Variants in SRGAP1 observed in about 807,000 individuals in gnomAD.
The protein encoded by SRGAP1 is SLIT-ROBO Rho GTPase-activating protein 1.
A neutral mutation model predicts 121.9 loss-of-function variants in SRGAP1; 43 were observed. That is an observed-to-expected ratio of 0.35 (90% CI 0.28 to 0.46). The LOEUF is 0.46. Ranked by LOEUF, SRGAP1 falls within the 20% of genes least tolerant of loss-of-function variation. SRGAP1 has a pLI of 1.00. For synonymous variants in SRGAP1, 447 were observed against 485.4 expected (o/e 0.92, Z 1.04); for missense variants, 1,102 against 1,350.9 (o/e 0.82, Z 2.89).
At chr12:63,969,369 T>G (rs183726519) in intron 1 of SRGAP1, among the ~76,000 whole-genome samples, 1 of 152,340 alleles carries the variant, frequency 6.6e-6, no homozygotes, top group East Asian at 1.9e-4. Flanking sequence ...TATAACCGAA[T>G]AACCTACTCT....
intron 1 of SRGAP1, among the ~76,000 whole-genome samples, chr12:63,895,084 A>C (rs1900712139): frequency 6.6e-6 from 1 of 152,244 alleles, no homozygotes; most frequent in South Asian, 2.1e-4. Flanking sequence ...ACTAGTTTAC[A>C]GTCCCATCAA....
intron 1 of SRGAP1, among the ~76,000 whole-genome samples, chr12:63,892,663 A>G (rs1434330378): frequency 6.6e-6 from 1 of 152,176 alleles, no homozygotes; most frequent in African/African-American, 2.4e-5. Context: ...CTTTAAAGCT[A>G]TAGCTTACTC....
intron 1 of SRGAP1, among the ~76,000 whole-genome samples, chr12:63,942,501 G>T (rs1288957812): frequency 6.6e-6 from 1 of 152,156 alleles, no homozygotes; most frequent in East Asian, 1.9e-4. Context: ...TCAGATTTCT[G>T]CTGATATGCT....
chr12:64,130,341 C>G lies in SRGAP1; in HGVS notation c.2880+2141C>G, dbSNP rs148497246. On this transcript the variant is annotated intron_variant, in intron 21 of 21. Coordinates refer to ENST00000355086, the MANE Select transcript of SRGAP1 (RefSeq NM_020762.4). ...ATTGTTGCTGTGTCTCCTGGTGGCACATTCCTCCCTCTGGAACTGAGACCT... is the reference window on the plus strand; with the variant it reads ...ATTGTTGCTGTGTCTCCTGGTGGCAGATTCCTCCCTCTGGAACTGAGACCT... Among the ~76,000 whole-genome samples the G allele has an allele frequency of 4.9e-4, 74 of 152,248 alleles. 1 individual carries two copies. In the East Asian group the frequency reaches 0.013, roughly 27 times the overall value.
chr12:63,946,741 C>T (rs1405674723), intron 1 of SRGAP1, among the ~76,000 whole-genome samples: 5 of 152,020 alleles, frequency 3.3e-5, no homozygotes, highest in African/African-American at 7.2e-5. Flanking sequence ...GACGGGGTTT[C>T]TCCATGCTGG....
At chr12:63,920,490 T>A (rs73317306) in intron 1 of SRGAP1, among the ~76,000 whole-genome samples, 6,837 of 152,268 alleles carry the variant, frequency 0.045, 389 homozygotes, top group African/African-American at 0.13. Context: ...GTAAATACTG[T>A]ACTTTAGACT....
chr12:63,903,286 C>T (rs993815925), intron 1 of SRGAP1, among the ~76,000 whole-genome samples: 2 of 151,536 alleles, frequency 1.3e-5, no homozygotes, highest in African/African-American at 4.8e-5. Context: ...GATCTCTGCT[C>T]ACTGCAACCT....
chr12:64,056,034 C>T (rs1282326118), intron 6 of SRGAP1, among the ~76,000 whole-genome samples: 7 of 148,880 alleles, frequency 4.7e-5, no homozygotes, highest in Admixed American at 3.4e-4. Flanking sequence ...ATCCATTCGC[C>T]CTACTGTCAT....
chr12:63,884,719 CTTT>C (rs869188491), intron 1 of SRGAP1, among the ~76,000 whole-genome samples: 4 of 123,850 alleles, frequency 3.2e-5, no homozygotes, highest in African/African-American at 5.9e-5. Flanking sequence ...CACCACCATT[CTTT>C]TTTTTTTTTT....
At position 64,155,589 on chromosome 12, in the gene SRGAP1, G is replaced by A. The variant is rs1477955146; in HGVS notation, c.*12917G>A. On this transcript the variant is annotated 3_prime_UTR_variant, in exon 22 of 22. Transcript: ENST00000355086. ...TATATTAAAAAATAAACAAGTTCAG[G>A]CTTGTTAAATATTTTTTATGTTTGT... The A allele has an allele frequency of 6.6e-6, 1 of 151,748 alleles. No individual in the cohort carries two copies. Among genetic ancestry groups the A allele is most frequent in the Non-Finnish European group, 1.5e-5 (1 of 67,940 alleles). The allele number at this position is 151,748 out of a possible 1,614,324, so 9.4% of individuals were successfully genotyped here.
chr12:64,069,922 A>G (rs567134150), intron 8 of SRGAP1, among the ~76,000 whole-genome samples: 2 of 152,298 alleles, frequency 1.3e-5, no homozygotes, highest in South Asian at 2.1e-4. Flanking sequence ...TATTATTTGT[A>G]GAGACAGGGT....
At chr12:63,922,921 G>C (rs2031122239) in intron 1 of SRGAP1, among the ~76,000 whole-genome samples, 1 of 152,168 alleles carries the variant, frequency 6.6e-6, no homozygotes, top group Non-Finnish European at 1.5e-5. Context: ...TCCACCCCAA[G>C]ACTTGCTACT....
At chr12:64,133,419 A>G (rs989029540) in intron 21 of SRGAP1, among the ~76,000 whole-genome samples, 18 of 152,270 alleles carry the variant, frequency 1.2e-4, no homozygotes, top group Non-Finnish European at 2.2e-4. Flanking sequence ...GACCTGAGCT[A>G]AAACTCCATT....
chr12:63,940,419 A>AT (rs1191966789), intron 1 of SRGAP1, among the ~76,000 whole-genome samples: 1 of 148,828 alleles, frequency 6.7e-6, no homozygotes, highest in Non-Finnish European at 1.5e-5. Flanking sequence ...AAAAAAAAAA[A>AT]GGCTGAGCAG....
intron 1 of SRGAP1, among the ~76,000 whole-genome samples, chr12:63,877,750 A>G (rs1455200310): frequency 6.6e-6 from 1 of 152,250 alleles, no homozygotes; most frequent in Non-Finnish European, 1.5e-5. Context: ...GAGTGTTGAG[A>G]CCAAATTCTA....
chr12:64,141,580 G>T (rs916011957), intron 21 of SRGAP1, among the ~76,000 whole-genome samples: 2 of 151,170 alleles, frequency 1.3e-5, no homozygotes, highest in African/African-American at 2.4e-5. Flanking sequence ...ACTGCATCTT[G>T]GGGGGGGAAA....
chr12:63,960,616 C>T (rs2032610522), intron 1 of SRGAP1, among the ~76,000 whole-genome samples: 1 of 152,122 alleles, frequency 6.6e-6, no homozygotes, highest in African/African-American at 2.4e-5. Context: ...ATCCCTATCC[C>T]CAGAATCTGT....
At chr12:64,059,536 G>A (rs2035406776) in intron 6 of SRGAP1, among the ~76,000 whole-genome samples, 1 of 151,910 alleles carries the variant, frequency 6.6e-6, no homozygotes, top group South Asian at 2.1e-4. Flanking sequence ...CTCATCTGCT[G>A]CATTATAATC....
chr12:64,096,973 C>T (rs1297974846), intron 14 of SRGAP1, among the ~76,000 whole-genome samples: 1 of 152,050 alleles, frequency 6.6e-6, no homozygotes, highest in African/African-American at 2.4e-5. Context: ...ATAAATTCCA[C>T]AATATTTTAT....
Sources: allele counts gnomAD v4.1 joint callset (sites outside exome capture counted in the v4.1 genomes callset), GRCh38; gene constraint gnomAD v4.1.1; transcripts MANE v1.5; gene names NCBI Gene and HGNC (gene_info 2026-07-23, HGNC 2026-07-21).